Variants in GNA12 observed in about 807,000 individuals in gnomAD.
GNA12 encodes guanine nucleotide-binding protein subunit alpha-12.
A neutral mutation model predicts 26.0 loss-of-function variants in GNA12; 9 were observed. That is an observed-to-expected ratio of 0.35 (90% CI 0.21 to 0.60). The LOEUF is 0.60. Ranked by LOEUF, GNA12 falls within the 20% of genes least tolerant of loss-of-function variation. The pLI, the probability that GNA12 is intolerant of heterozygous loss-of-function variation, is 0.78. For missense variants in GNA12, 405 were observed against 525.8 expected (o/e 0.77, Z 2.25); for synonymous variants, 264 against 219.6 (o/e 1.20, Z -1.79).
At chr7:2,812,935 C>G (rs1197131294) in intron 1 of GNA12, among the ~76,000 whole-genome samples, 1 of 152,102 alleles carries the variant, frequency 6.6e-6, no homozygotes, top group Non-Finnish European at 1.5e-5. Flanking sequence ...CTTTACTTTT[C>G]AAACTTTAAA....
At chr7:2,802,611 A>T (rs898024977) in intron 1 of GNA12, among the ~76,000 whole-genome samples, 1 of 152,204 alleles carries the variant, frequency 6.6e-6, no homozygotes, top group Non-Finnish European at 1.5e-5. Flanking sequence ...TACAAGATGA[A>T]ACAGTTCCAT....
At chr7:2,772,139 A>G (rs1308930195) in intron 2 of GNA12, among the ~76,000 whole-genome samples, 4 of 152,236 alleles carry the variant, frequency 2.6e-5, no homozygotes, top group African/African-American at 4.8e-5. Context: ...TTCTTTACAT[A>G]TTCCGGATAA....
chr7:2,758,620 G>A (rs1054441012), intron 2 of GNA12, among the ~76,000 whole-genome samples: 23 of 152,110 alleles, frequency 1.5e-4, no homozygotes, highest in Non-Finnish European at 2.9e-5. Flanking sequence ...AAGGAACCTG[G>A]GGGAACCCCT....
At chr7:2,782,452 C>G (rs1467901780) in intron 2 of GNA12, among the ~76,000 whole-genome samples, 1 of 152,120 alleles carries the variant, frequency 6.6e-6, no homozygotes, top group Non-Finnish European at 1.5e-5. Context: ...TTACAAAACT[C>G]AATTAGATTG....
intron 2 of GNA12, among the ~76,000 whole-genome samples, chr7:2,790,943 C>T (rs1018924933): frequency 2.0e-4 from 30 of 150,716 alleles, no homozygotes; most frequent in South Asian, 8.4e-4. Context: ...TAGTGTACTC[C>T]GGCCTGGAAG....
rs57390413 is a variant in GNA12 at position 2,780,093 on chromosome 7, T to TATATATAA, written c.525+14834_525+14835insTTATATAT. 6.5e-4 allele frequency among the ~76,000 whole-genome samples: 84 copies of TATATATAA among 130,130 alleles called. 1 individual carries two copies. Among genetic ancestry groups the TATATATAA allele is most frequent in the African/African-American group, 2.3e-3 (77 of 33,312 alleles). The allele number at this position is 130,130 out of a possible 152,430, so 85.4% of individuals were successfully genotyped here. A position where few individuals can be genotyped will look rare whatever the true frequency, so the allele number is the denominator to read the frequency against. On this transcript the variant is annotated intron_variant, in intron 2 of 3. Transcript: ENST00000275364. ...ATATATATATATATATATATATATA[T>TATATATAA]GCCTGTTTTCCCTTCTAAACAGAAA... is the stretch of plus-strand genomic sequence containing the variant.
At chr7:2,749,362 G>A (rs1790914500) in intron 2 of GNA12, among the ~76,000 whole-genome samples, 1 of 152,076 alleles carries the variant, frequency 6.6e-6, no homozygotes, top group Non-Finnish European at 1.5e-5. Context: ...TCCTTTGTAG[G>A]GACATGGATG....
At chr7:2,747,662 C>T (rs116812210) in intron 2 of GNA12, among the ~76,000 whole-genome samples, 3,913 of 152,180 alleles carry the variant, frequency 0.026, 123 homozygotes, top group Middle Eastern at 0.078. Flanking sequence ...TGTTGGAAGT[C>T]CTAGGCAGGG....
intron 2 of GNA12, among the ~76,000 whole-genome samples, chr7:2,770,407 A>G (rs1205798914): frequency 3.9e-5 from 6 of 152,198 alleles, no homozygotes; most frequent in Non-Finnish European, 7.3e-5. Flanking sequence ...ATTCTGACAT[A>G]GTTCAGCTAG....
intron 2 of GNA12, among the ~76,000 whole-genome samples, chr7:2,794,025 C>G (rs546614907): frequency 4.6e-5 from 7 of 152,234 alleles, no homozygotes; most frequent in South Asian, 2.1e-4. Flanking sequence ...AGGGAAGAAC[C>G]GCTGCTATGT....
chr7:2,753,537 T>C (rs1337400144), intron 2 of GNA12, among the ~76,000 whole-genome samples: 1 of 152,214 alleles, frequency 6.6e-6, no homozygotes, highest in Non-Finnish European at 1.5e-5. Context: ...TTTTTACTGC[T>C]GGGAGAATTC....
rs766629746 is a variant in GNA12 at position 2,843,990 on chromosome 7, C to T, written c.172G>A (p.Val58Met). 12 of 1,577,942 alleles carry T rather than the reference C, an allele frequency of 7.6e-6. No homozygotes were observed. Among genetic ancestry groups the T allele is most frequent in the Non-Finnish European group, 4.3e-6 (5 of 1,164,368 alleles). The change falls in exon 1 of 4, where the codon GTG becomes ATG. Residue 58 changes from valine (V) to methionine (M), a missense_variant. Val to Met is a conservative substitution (Grantham distance 21, BLOSUM62 1). Transcript: ENST00000275364. ...ARERRAVRRL[V>M]KILLLGAGES... ...CCCGCGCCCAGCAGCAGGATCTTCACCAGGCGCCGGACCGCGCGCCGCTCG... is the reference window on the plus strand; with the variant it reads ...CCCGCGCCCAGCAGCAGGATCTTCATCAGGCGCCGGACCGCGCGCCGCTCG...
intron 2 of GNA12, among the ~76,000 whole-genome samples, chr7:2,788,701 G>A (rs767672835): frequency 4.6e-5 from 7 of 152,212 alleles, no homozygotes; most frequent in Non-Finnish European, 8.8e-5. Context: ...AGAAGCAGAT[G>A]GGGTGATGAA....
At chr7:2,808,097 G>T (rs748752444) in intron 1 of GNA12, among the ~76,000 whole-genome samples, 3 of 152,232 alleles carry the variant, frequency 2.0e-5, no homozygotes, top group South Asian at 2.1e-4. Context: ...TAACTGTTTA[G>T]ACAACTAAAC....
chr7:2,795,206 A>C (rs1792628357), intron 1 of GNA12, 63 bp from the exon 2 acceptor site: 3 of 1,273,200 alleles, frequency 2.4e-6, no homozygotes, highest in East Asian at 4.6e-5. Flanking sequence ...CACGCTAGAG[A>C]AGCTCAAAAT....
chr7:2,782,065 A>G (rs1048862442), intron 2 of GNA12, among the ~76,000 whole-genome samples: 2 of 152,368 alleles, frequency 1.3e-5, no homozygotes, highest in Non-Finnish European at 1.5e-5. Flanking sequence ...AAGAGGAGAC[A>G]TTTAACAAAT....
At chr7:2,738,497 G>C (rs925079911) in intron 2 of GNA12, among the ~76,000 whole-genome samples, 1 of 152,154 alleles carries the variant, frequency 6.6e-6, no homozygotes, top group African/African-American at 2.4e-5. Flanking sequence ...CACAAGGCAC[G>C]AAACAACGCA....
chr7:2,742,194 G>T (rs1414085613), intron 2 of GNA12, among the ~76,000 whole-genome samples: 2 of 151,784 alleles, frequency 1.3e-5, no homozygotes, highest in Admixed American at 6.6e-5. Context: ...GCTAATTTTT[G>T]TATTTTTACT....
At chr7:2,819,946 C>G (rs1051624912) in intron 1 of GNA12, among the ~76,000 whole-genome samples, 1 of 152,158 alleles carries the variant, frequency 6.6e-6, no homozygotes, top group Non-Finnish European at 1.5e-5. Context: ...CAACATCATT[C>G]ATAACACACA....
Sources: gnomAD v4.1 joint callset for allele counts (sites outside exome capture counted in the v4.1 genomes callset) on GRCh38, gnomAD v4.1.1 for gene constraint, MANE v1.5 for transcripts, NCBI Gene and HGNC (gene_info 2026-07-23, HGNC 2026-07-21) for gene names.